CFAP77: variants seen among roughly 807,000 people sequenced by gnomAD.
The protein encoded by CFAP77 is cilia and flagella associated protein 77, also known as cilia- and flagella-associated protein 77.
Under a neutral mutation model 31.1 loss-of-function variants are expected in CFAP77, and 25 were observed. The observed-to-expected ratio is 0.80, with a 90% CI of 0.59 to 1.12. The LOEUF is 1.12. CFAP77 is among the 50% of genes most tolerant of loss of function. CFAP77 has a pLI of 0.00. For missense variants in CFAP77, 377 were observed against 397.3 expected (o/e 0.95, Z 0.44); for synonymous variants, 151 against 159.9 (o/e 0.94, Z 0.42).
At chr9:132,520,796 A>T (rs1421574481) in intron 3 of CFAP77, among the ~76,000 whole-genome samples, 1 of 152,038 alleles carries the variant, frequency 6.6e-6, no homozygotes, top group East Asian at 1.9e-4. Flanking sequence ...CCCCTGGCCC[A>T]GGAGCCCCTC....
At chr9:132,446,591 A>G (rs1391346775) in intron 1 of CFAP77, among the ~76,000 whole-genome samples, 1 of 151,744 alleles carries the variant, frequency 6.6e-6, no homozygotes, top group East Asian at 1.9e-4. Flanking sequence ...AATACAAAAA[A>G]TTAGCTGGGC....
rs1852862247 is a variant in CFAP77, at chr9:132,554,222, G to A, written c.732+11175G>A. ...GTGGAAAAAACATGCTCGACGTGATGGAATGTGCTCCGTTTGGCTTCATGT... is the reference window on the plus strand; with the variant it reads ...GTGGAAAAAACATGCTCGACGTGATAGAATGTGCTCCGTTTGGCTTCATGT... On this transcript the variant is annotated intron_variant, in intron 5 of 5. Transcript: ENST00000393216. The surrounding 1 kb of genome is among the most constrained non-coding windows in gnomAD (Gnocchi z 4.1). Among the ~76,000 whole-genome samples, 2 of 152,222 alleles carry A rather than the reference G, an allele frequency of 1.3e-5. No individual in the cohort carries two copies. Among genetic ancestry groups the A allele is most frequent in the African/African-American group, 4.8e-5 (2 of 41,452 alleles).
intron 1 of CFAP77, among the ~76,000 whole-genome samples, chr9:132,435,631 T>C (rs1850492678): frequency 6.6e-6 from 1 of 152,130 alleles, no homozygotes; most frequent in Non-Finnish European, 1.5e-5. Flanking sequence ...CGATACCGAG[T>C]GGTGTTTGGT....
intron 1 of CFAP77, among the ~76,000 whole-genome samples, chr9:132,487,969 C>T (rs985557287): frequency 6.6e-6 from 1 of 152,140 alleles, no homozygotes; most frequent in African/African-American, 2.4e-5. Context: ...ACTACCCCCC[C>T]ATGAGCAAAA....
At chr9:132,513,061 T>C (rs1852069343) in intron 3 of CFAP77, among the ~76,000 whole-genome samples, 1 of 152,174 alleles carries the variant, frequency 6.6e-6, no homozygotes, top group Non-Finnish European at 1.5e-5. Flanking sequence ...TGGGTGTATA[T>C]GTTTATGGGG....
intron 5 of CFAP77, among the ~76,000 whole-genome samples, chr9:132,544,490 ATTTTTTT>A (rs57022259): frequency 1.4e-3 from 162 of 111,870 alleles, no homozygotes; most frequent in Middle Eastern, 9.1e-3. Context: ...CTCACTGCCT[ATTTTTTT>A]TTTTTTTTTT....
intron 3 of CFAP77, among the ~76,000 whole-genome samples, chr9:132,530,379 G>A (rs1017633574): frequency 5.9e-5 from 9 of 151,598 alleles, no homozygotes; most frequent in African/African-American, 2.2e-4. Context: ...AGGTTCAAGC[G>A]ATTCTTGTGT....
intron 5 of CFAP77, among the ~76,000 whole-genome samples, chr9:132,561,663 C>CACACACACACACA (rs1564253366): frequency 5.9e-5 from 3 of 50,756 alleles, no homozygotes; most frequent in African/African-American, 1.3e-4. Flanking sequence ...ACACACACAC[C>CACACACACACACA]CCCTCCATGT....
intron 1 of CFAP77, among the ~76,000 whole-genome samples, chr9:132,466,279 C>G (rs763225173): frequency 1.3e-5 from 2 of 152,120 alleles, no homozygotes; most frequent in African/African-American, 2.4e-5. Context: ...TAGAGAGCAG[C>G]TGGGGTTGAG....
chr9:132,486,411 A>G (rs1851560014), intron 1 of CFAP77, among the ~76,000 whole-genome samples: 1 of 152,020 alleles, frequency 6.6e-6, no homozygotes, highest in African/African-American at 2.4e-5. Context: ...CCTCTTAATC[A>G]GAGGCATCAT....
At chr9:132,459,645 ATG>A (rs201172097) in intron 1 of CFAP77, among the ~76,000 whole-genome samples, 1,889 of 149,626 alleles carry the variant, frequency 0.013, 13 homozygotes, top group Middle Eastern at 0.067. Flanking sequence ...ATGTGTATGT[ATG>A]TGTGTATATG....
Position 132,455,399 on chromosome 9 carries a change from C to T in CFAP77, c.196-43296C>T, listed in dbSNP as rs557415830. On this transcript the variant is annotated intron_variant, in intron 1 of 5. Transcript: ENST00000393216. This position sits in a 1 kb window ranked among gnomAD's most constrained non-coding sequence, Gnocchi z 4.1. ...GCGGGCACCTGATATCCCAGCTACT[C>T]GGGAGGCTGAGGCAGGGAGGACTGC... 3.3e-5 allele frequency among the ~76,000 whole-genome samples: 5 copies of T among 151,616 alleles called. No homozygotes were observed. Among genetic ancestry groups the T allele is most frequent in the Admixed American group, 1.3e-4 (2 of 15,204 alleles).
intron 1 of CFAP77, among the ~76,000 whole-genome samples, chr9:132,439,722 G>A (rs755686487): frequency 1.3e-5 from 2 of 151,910 alleles, no homozygotes; most frequent in Admixed American, 6.6e-5. Flanking sequence ...GGTGGCGGGC[G>A]CCTGTAGTCC....
At chr9:132,435,476 A>C (rs1374944084) in intron 1 of CFAP77, among the ~76,000 whole-genome samples, 1 of 152,208 alleles carries the variant, frequency 6.6e-6, no homozygotes, top group Non-Finnish European at 1.5e-5. Flanking sequence ...ACGACACGCT[A>C]GGAAAAGACT....
rs1564207834 is a variant in CFAP77 at position 132,449,291 on chromosome 9, TG to T, written c.195+38827del. On this transcript the variant is annotated intron_variant, in intron 1 of 5. Transcript: ENST00000393216. ...TGCACTCACCCTCCTCTCCTACTCCTGGCTGCACTCACCCTCCTCTCCTACT... is the reference window on the plus strand; with the variant it reads ...TGCACTCACCCTCCTCTCCTACTCCTGCTGCACTCACCCTCCTCTCCTACT... Among the ~76,000 whole-genome samples the T allele has an allele frequency of 3.5e-3, 276 of 78,068 alleles. 1 individual carries two copies. The highest frequency in any genetic ancestry group is 0.012 in the African/African-American group (241 of 19,332). 51.2% of individuals were successfully genotyped at this position (78,068 alleles called of 152,430 possible).
rs1228621100 is a variant in CFAP77, at chr9:132,433,552, T to C, written c.195+23086T>C. On this transcript the variant is annotated intron_variant, in intron 1 of 5. Coordinates refer to ENST00000393216, the MANE Select transcript of CFAP77 (RefSeq NM_001282957.2). The stretch of plus-strand genomic sequence containing the variant: ...TCTCCTCACGTGGCTATTCATTCAT[T>C]TTTTTTTTTTTTTGAGTCAGAGTCT... 3.2e-4 allele frequency among the ~76,000 whole-genome samples: 11 copies of C among 34,104 alleles called. No homozygotes were observed. The African/African-American group carries it at 3.8e-3, about 12-fold the overall frequency. The allele number at this position is 34,104 out of a possible 152,430, so 22.4% of individuals were successfully genotyped here. A position where few individuals can be genotyped will look rare whatever the true frequency, so the allele number is the denominator to read the frequency against.
intron 5 of CFAP77, among the ~76,000 whole-genome samples, chr9:132,561,545 A>G (rs1829805643): frequency 6.7e-6 from 1 of 149,106 alleles, no homozygotes; most frequent in Admixed American, 6.8e-5. Flanking sequence ...GGAAAAGCTG[A>G]TTGACCTGTG....
At chr9:132,543,392 T>A (rs7044011) in intron 5 of CFAP77, among the ~76,000 whole-genome samples, 152,332 of 152,332 alleles carry the variant, frequency 1, 76,166 homozygotes, top group Non-Finnish European at 1. Flanking sequence ...GAGGCAGTCT[T>A]CCTGTAGAGG....
chr9:132,469,434 C>T (rs1252704785), intron 1 of CFAP77, among the ~76,000 whole-genome samples: 1 of 152,116 alleles, frequency 6.6e-6, no homozygotes, highest in Non-Finnish European at 1.5e-5. Context: ...TGCGAGTTAG[C>T]ATTTAAATAA....
Sources: allele counts gnomAD v4.1 joint callset (sites outside exome capture counted in the v4.1 genomes callset), GRCh38; gene constraint gnomAD v4.1.1; non-coding constraint Gnocchi (gnomAD v3.1); transcripts MANE v1.5; gene names NCBI Gene and HGNC (gene_info 2026-07-23, HGNC 2026-07-21).